Variants in MEGF6 observed in about 807,000 individuals in gnomAD.
The protein encoded by MEGF6 is multiple epidermal growth factor-like domains protein 6.
MEGF6 carries 184 observed loss-of-function variants against 207.1 expected under a neutral mutation model. That is an observed-to-expected ratio of 0.89 (90% confidence interval 0.79 to 1.00). MEGF6 has a LOEUF of 1.00. Among genes scored for constraint, MEGF6 ranks in the 50% least tolerant of loss-of-function variants. The pLI is 0.00. For missense variants in MEGF6, 2,282 were observed against 2,202.9 expected (o/e 1.04, Z -0.72); for synonymous variants, 1,038 against 910.0 (o/e 1.14, Z -2.53).
Position 3,524,260 on chromosome 1 carries a change from G to A in MEGF6, c.482-14C>T, listed in dbSNP as rs10797399. The A allele has an allele frequency of 0.28, 452,516 of 1,603,186 alleles. 65,441 individuals carry two copies. The highest frequency in any genetic ancestry group is 0.32 in the Middle Eastern group (1,911 of 6,010). On this transcript the variant is annotated splice_polypyrimidine_tract_variant and intron_variant, in intron 4 of 36. Coordinates refer to ENST00000356575, the MANE Select transcript of MEGF6 (RefSeq NM_001409.4). Reference sequence around the variant, plus strand: ...ATTCGTCCACATCTGAGCAGGAATGGGGAAGGATCAGCAGCTGGGCACCTG... The same window carrying A: ...ATTCGTCCACATCTGAGCAGGAATGAGGAAGGATCAGCAGCTGGGCACCTG...
At chr1:3,541,267 G>A (rs1409247320) in intron 4 of MEGF6, among the ~76,000 whole-genome samples, 1 of 152,184 alleles carries the variant, frequency 6.6e-6, no homozygotes, top group East Asian at 1.9e-4. Flanking sequence ...ATGGAGTGTG[G>A]GTCGCACAGG....
chr1:3,522,720 CA>C (rs1341142762), intron 5 of MEGF6, among the ~76,000 whole-genome samples: 1 of 152,080 alleles, frequency 6.6e-6, no homozygotes, highest in East Asian at 1.9e-4. Flanking sequence ...AAGGCCCCCC[CA>C]CTCACAGTAG....
intron 4 of MEGF6, among the ~76,000 whole-genome samples, chr1:3,555,837 G>T (rs180895838): frequency 6.6e-6 from 1 of 152,232 alleles, no homozygotes; most frequent in Non-Finnish European, 1.5e-5. Context: ...CCAAGGAAGC[G>T]AGGTATCCTG....
chr1:3,550,265 G>C (rs1339235960), intron 4 of MEGF6, among the ~76,000 whole-genome samples: 1 of 152,218 alleles, frequency 6.6e-6, no homozygotes. Context: ...ATCAGAAAGG[G>C]GAGGCCACCC....
chr1:3,597,969 C>T lies in MEGF6; in HGVS notation c.267-2522G>A, dbSNP rs111841832. ...CAACTGCTCACGTGCATGTGAGCAG[C>T]GGGAGGATGGAGACAGAGGCAGAGA... On this transcript the variant is annotated intron_variant, in intron 2 of 36. Transcript: ENST00000356575. Among the ~76,000 whole-genome samples, 6 of 152,300 alleles carry T rather than the reference C, an allele frequency of 3.9e-5. No individual in the cohort carries two copies. The East Asian group carries it at 9.7e-4, about 25-fold the overall frequency.
intron 26 of MEGF6, 141 bp downstream of exon 26, chr1:3,498,230 G>A (rs572318453): frequency 2.4e-4 from 261 of 1,105,044 alleles, no homozygotes; most frequent in Non-Finnish European, 3.1e-4. Context: ...TTAGTGCTCC[G>A]ACGGCAGCTC....
chr1:3,565,407 C>A lies in MEGF6; in HGVS notation c.481+14418G>T, dbSNP rs1643315958. On this transcript the variant is annotated intron_variant, in intron 4 of 36. Transcript: ENST00000356575. This position sits in a 1 kb window ranked among gnomAD's most constrained non-coding sequence, Gnocchi z 4.8. ...GGTGCCTGCTCTGGCCTCTCAAGGC[C>A]ACCAGGGGGTGCCAGCGCCCCACCC... 6.6e-6 allele frequency among the ~76,000 whole-genome samples: 1 copy of A among 152,190 alleles called. No individual in the cohort carries two copies. Among genetic ancestry groups the A allele is most frequent in the African/African-American group, 2.4e-5 (1 of 41,446 alleles).
rs1254966074 is a variant in MEGF6, at chr1:3,565,553, G to C, written c.481+14272C>G. ...CTGGCTTGAGAGGAGGACGCTTCGT[G>C]CGGGGCTGCCTGGCCTGGCCCTGGA... On this transcript the variant is annotated intron_variant, in intron 4 of 36. Transcript: ENST00000356575. This position sits in a 1 kb window ranked among gnomAD's most constrained non-coding sequence, Gnocchi z 4.8. 1.3e-5 allele frequency among the ~76,000 whole-genome samples: 2 copies of C among 152,172 alleles called. No homozygotes were observed. The highest frequency in any genetic ancestry group is 2.9e-5 in the Non-Finnish European group (2 of 68,012).
intron 4 of MEGF6, among the ~76,000 whole-genome samples, chr1:3,540,550 A>G (rs1027418667): frequency 3.3e-5 from 5 of 152,176 alleles, no homozygotes; most frequent in Non-Finnish European, 7.4e-5. Flanking sequence ...AGCCTTCCCC[A>G]CAGCTGTGTT....
chr1:3,490,723 C>T (rs1329439959), intron 36 of MEGF6, 134 bp from the exon 37 acceptor site: 1 of 1,150,222 alleles, frequency 8.7e-7, no homozygotes, highest in Admixed American at 2.3e-5. Context: ...TGGGGCCCAC[C>T]CATCCTTCCC....
At chr1:3,497,584 C>T in intron 26 of MEGF6, 3 of 705,412 alleles carry the variant, frequency 4.3e-6, no homozygotes, top group Non-Finnish European at 2.5e-6. Context: ...AGGCACAGCG[C>T]CCCTCACAGT....
At chr1:3,606,718 G>A (rs1644254108) in intron 1 of MEGF6, among the ~76,000 whole-genome samples, 2 of 152,234 alleles carry the variant, frequency 1.3e-5, no homozygotes, top group Non-Finnish European at 1.5e-5. Context: ...CCTGTGCCTT[G>A]CAACGCACTT....
At position 3,596,801 on chromosome 1, in the gene MEGF6, C is replaced by T. The variant is rs998326922; in HGVS notation, c.267-1354G>A. ...TCTTGGCAGAGCATTTGGCAAGGGG[C>T]CTGCCTCTCCCACTCTGGAACTCAC... On this transcript the variant is annotated intron_variant, in intron 2 of 36. Coordinates refer to ENST00000356575, the MANE Select transcript of MEGF6 (RefSeq NM_001409.4). Among the ~76,000 whole-genome samples, 11 of 152,136 alleles carry T rather than the reference C, an allele frequency of 7.2e-5. No homozygotes were observed. The East Asian group carries it at 1.9e-3, about 27-fold the overall frequency.
At position 3,611,265 on chromosome 1, in the gene MEGF6, A is replaced by G; in HGVS notation, c.4T>C (p.Ser2Pro). The G allele has an allele frequency of 6.8e-7, 1 of 1,480,014 alleles. No homozygotes were observed. The allele number at this position is 1,480,014 out of a possible 1,614,324, so 91.7% of individuals were successfully genotyped here. A position where few individuals can be genotyped will look rare whatever the true frequency, so the allele number is the denominator to read the frequency against. M[S>P]FLEEARAAGR... ...GCTGCCCTCGCCTCTTCAAGGAACGACATCGTGCGCGCCGGTGCCTCCTCC... is the reference window on the plus strand; with the variant it reads ...GCTGCCCTCGCCTCTTCAAGGAACGGCATCGTGCGCGCCGGTGCCTCCTCC... The change falls in exon 1 of 37, where the codon TCG (serine) becomes CCG (proline). Residue 2 changes from serine (S) to proline (P), a missense_variant. By Grantham distance (74) the Ser-to-Pro change is moderately conservative. Coordinates refer to ENST00000356575, the MANE Select transcript of MEGF6 (RefSeq NM_001409.4).
rs555829902 is a variant in MEGF6 at position 3,531,466 on chromosome 1, G to T, written c.482-7220C>A. On this transcript the variant is annotated intron_variant, in intron 4 of 36. Coordinates refer to ENST00000356575, the MANE Select transcript of MEGF6 (RefSeq NM_001409.4). ...AAGTTCTCAGCTTTCCCTCCGCCCC[G>T]CAGGTAAAGGCCAAGTCCGCAGACA... 2.0e-3 allele frequency: 2,191 copies of T among 1,085,834 alleles called. 38 individuals carry two copies. The African/African-American group carries it at 0.034, about 17-fold the overall frequency. 67.3% of individuals were successfully genotyped at this position (1,085,834 alleles called of 1,614,324 possible).
chr1:3,595,773 C>T (rs555235126), intron 2 of MEGF6, among the ~76,000 whole-genome samples: 6 of 152,258 alleles, frequency 3.9e-5, no homozygotes, highest in East Asian at 1.9e-4. Context: ...GGCGTTGGGA[C>T]GCACATCTCA....
At chr1:3,616,578 CG>C in the MEGF6 span, among the ~76,000 whole-genome samples, 1 of 151,568 alleles carries the variant, frequency 6.6e-6, no homozygotes, top group African/African-American at 2.4e-5. Flanking sequence ...GGTGGGAGGC[CG>C]GGGGTGAGAG....
At position 3,509,928 on chromosome 1, in the gene MEGF6, G is replaced by A. The variant is rs769203214; in HGVS notation, c.1299C>T (p.Ser433=). The change falls in exon 11 of 37, where the codon TCC becomes TCT. Residue 433 remains serine (S), a synonymous_variant. Transcript: ENST00000356575. ...CEHHCTNLAG[S]FQCSCEAGYR... is the part of the protein sequence containing the mutation. ...AGCCGGCCTCGCAGGAGCACTGGAA[G>A]GAGCCGGCCAGGTTGGTGCAGTGGT... 3 of 1,573,634 alleles carry A rather than the reference G, an allele frequency of 1.9e-6. No individual in the cohort carries two copies. In the South Asian group the frequency reaches 3.5e-5, roughly 18 times the overall value.
At chr1:3,510,981 C>T (rs1272205391) in intron 9 of MEGF6, 79 bp from the exon 10 acceptor site, 39 of 1,526,454 alleles carry the variant, frequency 2.6e-5, no homozygotes, top group South Asian at 1.4e-4. Flanking sequence ...CAACTGCATA[C>T]GACCACACAC....
Sources: gnomAD v4.1 joint callset for allele counts (sites outside exome capture counted in the v4.1 genomes callset) on GRCh38, gnomAD v4.1.1 for gene constraint, Gnocchi (gnomAD v3.1) non-coding constraint, MANE v1.5 for transcripts, NCBI Gene and HGNC (gene_info 2026-07-23, HGNC 2026-07-21) for gene names.